The following LPP variants were observed in gnomAD, a reference collection of about 807,000 sequenced individuals.
The protein encoded by LPP is LIM domain containing preferred translocation partner in lipoma.
A neutral mutation model predicts 60.4 loss-of-function variants in LPP; 38 were observed. The observed-to-expected ratio is 0.63, with a 90% CI of 0.49 to 0.83. The LOEUF (loss-of-function observed/expected upper bound fraction) is 0.83, where lower values mean the gene tolerates loss of function less well. Among genes scored for constraint, LPP ranks in the 40% least tolerant of loss-of-function variants. LPP has a pLI of 0.00. For missense variants in LPP, 902 were observed against 783.6 expected, an observed-to-expected ratio of 1.15 and a Z score of -1.80; for synonymous variants, 328 against 290.8, an observed-to-expected ratio of 1.13 and a Z score of -1.30.
At chr3:188,547,099 G>T (rs1016666518) in intron 6 of LPP, among the ~76,000 whole-genome samples, 3 of 152,148 alleles carry the variant, frequency 2.0e-5, no homozygotes, top group African/African-American at 7.2e-5. Flanking sequence ...GGTCAGAGGG[G>T]GCTTTTCAGA....
At chr3:188,170,076 T>A (rs1333371411) in intron 1 of LPP, among the ~76,000 whole-genome samples, 1 of 152,148 alleles carries the variant, frequency 6.6e-6, no homozygotes, top group East Asian at 1.9e-4. Flanking sequence ...TGGTGGAGAC[T>A]CCCTAACACA....
Position 188,341,696 on chromosome 3 carries a change from C to G in LPP, c.-33C>G. The G allele has an allele frequency of 1.0e-6, 1 of 985,156 alleles. No homozygotes were observed. Among genetic ancestry groups the G allele is most frequent in the Non-Finnish European group, 1.2e-6 (1 of 829,720 alleles). The allele number at this position is 985,156 out of a possible 1,614,324, so 61.0% of individuals were successfully genotyped here. On this transcript the variant is annotated 5_prime_UTR_variant, in exon 3 of 12. Coordinates refer to ENST00000617246, the MANE Select transcript of LPP (RefSeq NM_001375462.1). ...TTGGCTGAACCTTGTGTCAACCATC[C>G]ATTCCAGGAGCCAGCTATCTGAGGT...
At chr3:188,725,967 A>G (rs748949223) in intron 8 of LPP, among the ~76,000 whole-genome samples, 1 of 152,194 alleles carries the variant, frequency 6.6e-6, no homozygotes, top group Non-Finnish European at 1.5e-5. Context: ...GTGCAATATG[A>G]CTGCCAAAGA....
At chr3:188,800,072 A>C (rs1290122924) in intron 9 of LPP, among the ~76,000 whole-genome samples, 1 of 151,982 alleles carries the variant, frequency 6.6e-6, no homozygotes, top group African/African-American at 2.4e-5. Flanking sequence ...AAAAATAATA[A>C]TGTATATGGG....
At chr3:188,641,023 G>A (rs1408277207) in intron 7 of LPP, among the ~76,000 whole-genome samples, 1 of 152,226 alleles carries the variant, frequency 6.6e-6, no homozygotes, top group African/African-American at 2.4e-5. Context: ...TGAGATGAAT[G>A]TTCCAAATCT....
At chr3:188,791,081 T>C (rs1743575683) in intron 9 of LPP, among the ~76,000 whole-genome samples, 1 of 152,138 alleles carries the variant, frequency 6.6e-6, no homozygotes, top group South Asian at 2.1e-4. Context: ...TACCTGTGGC[T>C]TTTCTTGTAT....
chr3:188,876,457 A>G lies in LPP; in HGVS notation c.*1978A>G. ...TATCTTTGATCGTATATTTCTCATA[A>G]TGTGAAATATGATGAGATTCACTTA... On this transcript the variant is annotated 3_prime_UTR_variant, in exon 12 of 12. Transcript: ENST00000617246. 5.1e-6 allele frequency: 1 copy of G among 196,678 alleles called. No individual in the cohort carries two copies. The highest frequency in any genetic ancestry group is 1.1e-5 in the Non-Finnish European group (1 of 94,748). 12.2% of individuals were successfully genotyped at this position (196,678 alleles called of 1,614,324 possible).
chr3:188,751,696 A>C (rs1261103619), intron 8 of LPP, among the ~76,000 whole-genome samples: 1 of 152,188 alleles, frequency 6.6e-6, no homozygotes, highest in African/African-American at 2.4e-5. Flanking sequence ...GGTTGTGGGC[A>C]AGGCACATAA....
In LPP at chr3:188,760,124, C is replaced by G. The variant is rs116281242; in HGVS notation, c.1252C>G (p.Arg418Gly). 703 of 1,613,944 alleles carry G rather than the reference C, an allele frequency of 4.4e-4. 2 individuals carry two copies. In the African/African-American group the frequency reaches 8.5e-3, roughly 20 times the overall value. ...CCTTTTTTTTCCAGGCCGCTGTGCT[C>G]GCTGTGGAGAAAACGTAGTTGGGGA... ...PADEYFGRCA[R>G]CGENVVGEGT... The change falls in exon 9 of 12, where the codon CGC (arginine) becomes GGC (glycine). Residue 418 changes from arginine to glycine, a missense_variant. Physicochemically the swap from Arg to Gly is moderately radical, Grantham distance 125. Transcript: ENST00000617246.
intron 1 of LPP, among the ~76,000 whole-genome samples, chr3:188,176,724 TAC>T (rs1447210317): frequency 6.6e-6 from 1 of 152,198 alleles, no homozygotes; most frequent in Admixed American, 6.5e-5. Flanking sequence ...AAGACAGTCA[TAC>T]CTCCTAGGAC....
At chr3:188,697,878 CT>C (rs373802737) in intron 7 of LPP, among the ~76,000 whole-genome samples, 2 of 146,600 alleles carry the variant, frequency 1.4e-5, no homozygotes, top group African/African-American at 5.5e-5. Flanking sequence ...ATTTTCATAT[CT>C]TCTTATTTTT....
At chr3:188,202,031 A>T (rs532137581) in intron 1 of LPP, among the ~76,000 whole-genome samples, 3 of 151,730 alleles carry the variant, frequency 2.0e-5, no homozygotes, top group African/African-American at 7.3e-5. Context: ...GAGAAAGTTT[A>T]TGGTGGCAAT....
At chr3:188,178,374 ATCTGTTTTTTT>A (rs1465401591) in intron 1 of LPP, among the ~76,000 whole-genome samples, 1 of 151,970 alleles carries the variant, frequency 6.6e-6, no homozygotes. Flanking sequence ...TTCTTCATTT[ATCTGTTTTTTT>A]TCTGTTGCCC....
chr3:188,703,589 A>C (rs1163694915), intron 7 of LPP, among the ~76,000 whole-genome samples: 2 of 152,166 alleles, frequency 1.3e-5, no homozygotes, highest in Non-Finnish European at 2.9e-5. Context: ...CTAGCCAAAT[A>C]AACTTCAGAA....
At chr3:188,290,795 C>T (rs1265506856) in intron 2 of LPP, among the ~76,000 whole-genome samples, 1 of 152,124 alleles carries the variant, frequency 6.6e-6, no homozygotes, top group African/African-American at 2.4e-5. Flanking sequence ...TGGAATGTTG[C>T]CATGTGGCTA....
At chr3:188,297,555 C>T (rs1233830049) in intron 2 of LPP, among the ~76,000 whole-genome samples, 1 of 152,110 alleles carries the variant, frequency 6.6e-6, no homozygotes, top group Non-Finnish European at 1.5e-5. Context: ...AAAAGATTGC[C>T]TATCAGGTTT....
At chr3:188,613,339 C>T (rs887259612) in intron 7 of LPP, among the ~76,000 whole-genome samples, 3 of 132,814 alleles carry the variant, frequency 2.3e-5, no homozygotes, top group Non-Finnish European at 5.0e-5. Context: ...TTGGGAGCCA[C>T]GTTTTCTCCA....
At chr3:188,389,808 C>CA (rs56398215) in intron 3 of LPP, among the ~76,000 whole-genome samples, 13,137 of 131,986 alleles carry the variant, frequency 0.1, 2,182 homozygotes, top group African/African-American at 0.34. Context: ...GACTCCGTCT[C>CA]AAAAAAAAAA....
chr3:188,450,667 C>T (rs535823626), intron 4 of LPP, among the ~76,000 whole-genome samples: 4 of 151,646 alleles, frequency 2.6e-5, no homozygotes, highest in African/African-American at 4.8e-5. Context: ...ATTGCTTGAA[C>T]CTGGGAAGCA....
Sources: gnomAD v4.1 joint callset for allele counts (sites outside exome capture counted in the v4.1 genomes callset) on GRCh38, gnomAD v4.1.1 for gene constraint, MANE v1.5 for transcripts, NCBI Gene and HGNC (gene_info 2026-07-23, HGNC 2026-07-21) for gene names.